The following TMEM63C variants were observed in gnomAD, a reference collection of about 807,000 sequenced individuals.
TMEM63C encodes the protein osmosensitive cation channel TMEM63C.
In TMEM63C, 32 loss-of-function variants were observed where a neutral mutation model predicts 99.2. The ratio of observed to expected loss-of-function variants is 0.32; its 90% confidence interval spans 0.24 to 0.43. The LOEUF is 0.43. Among genes scored for constraint, TMEM63C ranks in the 20% least tolerant of loss-of-function variants. The pLI, the probability that TMEM63C is intolerant of heterozygous loss-of-function variation, is 1.00. For synonymous variants in TMEM63C, 376 were observed against 397.9 expected (o/e 0.94, Z 0.66); for missense variants, 826 against 1,053.0 (o/e 0.78, Z 2.98).
At chr14:77,234,465 G>C (rs1177241943) in intron 8 of TMEM63C, among the ~76,000 whole-genome samples, 2 of 152,190 alleles carry the variant, frequency 1.3e-5, no homozygotes, top group Non-Finnish European at 2.9e-5. Flanking sequence ...CCAACAAAAA[G>C]TGAATTCTAG....
In TMEM63C at chr14:77,249,471, C is replaced by G. The variant is rs146019218; in HGVS notation, c.2038+13C>G. Reference sequence around the variant, plus strand: ...ATCCTGCGGTTGGGTAGGTACCAAGCCAGCCTGGAGACCCCACCTCCACCT... The same window carrying G: ...ATCCTGCGGTTGGGTAGGTACCAAGGCAGCCTGGAGACCCCACCTCCACCT... On this transcript the variant is annotated intron_variant, in intron 21 of 23. Coordinates refer to ENST00000298351, the MANE Select transcript of TMEM63C (RefSeq NM_020431.4). 3 of 1,613,200 alleles carry G rather than the reference C, an allele frequency of 1.9e-6. No homozygotes were observed. In the East Asian group the frequency reaches 6.7e-5, roughly 36 times the overall value.
At chr14:77,209,304 G>A (rs1419509743) in intron 1 of TMEM63C, among the ~76,000 whole-genome samples, 1 of 152,150 alleles carries the variant, frequency 6.6e-6, no homozygotes, top group African/African-American at 2.4e-5. Flanking sequence ...GACTGCTGGA[G>A]GGAAACTTGG....
chr14:77,257,202 G>GTGCA lies in TMEM63C; in HGVS notation c.*477_*480dup, dbSNP rs1889479481. 1 of 164,460 alleles carries GTGCA rather than the reference G, an allele frequency of 6.1e-6. No individual in the cohort carries two copies. Among genetic ancestry groups the GTGCA allele is most frequent in the African/African-American group, 2.4e-5 (1 of 41,748 alleles). 10.2% of individuals were successfully genotyped at this position (164,460 alleles called of 1,614,324 possible). On this transcript the variant is annotated 3_prime_UTR_variant, in exon 24 of 24. Transcript: ENST00000298351. The stretch of plus-strand genomic sequence containing the variant: ...CTGCAGTCTGAGGAGGCAAAGGTAT[G>GTGCA]TGCACGGGGCACATTGACAGGACAC...
intron 1 of TMEM63C, among the ~76,000 whole-genome samples, chr14:77,208,455 G>A (rs1483267428): frequency 6.6e-6 from 1 of 152,192 alleles, no homozygotes; most frequent in East Asian, 1.9e-4. Context: ...TCCTCGGCAT[G>A]GCTTGTCAGC....
intron 6 of TMEM63C, among the ~76,000 whole-genome samples, chr14:77,230,267 C>G (rs568577332): frequency 6.6e-6 from 1 of 152,216 alleles, no homozygotes; most frequent in East Asian, 1.9e-4. Context: ...CATCCTGATC[C>G]ACAACTAGAA....
At chr14:77,208,820 C>T (rs1888448019) in intron 1 of TMEM63C, among the ~76,000 whole-genome samples, 1 of 152,232 alleles carries the variant, frequency 6.6e-6, no homozygotes, top group Admixed American at 6.5e-5. Flanking sequence ...TTGCCTGGCC[C>T]TGCCCACGAG....
intron 1 of TMEM63C, among the ~76,000 whole-genome samples, chr14:77,202,859 ACACACACG>A (rs1294280512): frequency 7.1e-4 from 48 of 67,910 alleles, no homozygotes; most frequent in South Asian, 2.1e-3. Flanking sequence ...ACACACACAC[ACACACACG>A]CACACACACC....
chr14:77,194,418 A>C (rs1888169313), intron 1 of TMEM63C, among the ~76,000 whole-genome samples: 1 of 151,520 alleles, frequency 6.6e-6, no homozygotes, highest in Admixed American at 6.6e-5. Context: ...CTCGAGGAAA[A>C]TTTAGGAAAT....
chr14:77,203,914 T>C (rs1888351485), intron 1 of TMEM63C, among the ~76,000 whole-genome samples: 1 of 152,258 alleles, frequency 6.6e-6, no homozygotes, highest in African/African-American at 2.4e-5. Flanking sequence ...GAGCTGACTC[T>C]GGGGTCAGAG....
chr14:77,187,005 C>A (rs1327504769), intron 1 of TMEM63C, among the ~76,000 whole-genome samples: 1 of 152,168 alleles, frequency 6.6e-6, no homozygotes, highest in Non-Finnish European at 1.5e-5. Flanking sequence ...TGGCTTGAGG[C>A]CCTGGAGCCA....
In TMEM63C at chr14:77,251,543, A is replaced by T. The variant is rs1478388745; in HGVS notation, c.2039-246A>T. Among the ~76,000 whole-genome samples, 3 of 152,238 alleles carry T rather than the reference A, an allele frequency of 2.0e-5. 1 individual carries two copies. In the South Asian group the frequency reaches 6.2e-4, roughly 32 times the overall value. On this transcript the variant is annotated intron_variant, in intron 21 of 23. Coordinates refer to ENST00000298351, the MANE Select transcript of TMEM63C (RefSeq NM_020431.4). Reference sequence around the variant, plus strand: ...CAGCAGGTCAGGAAGGACACATTTAATGGGCACTGCAGTGGGTACTGAAGT... The same window carrying T: ...CAGCAGGTCAGGAAGGACACATTTATTGGGCACTGCAGTGGGTACTGAAGT...
At position 77,196,437 on chromosome 14, in the gene TMEM63C, G is replaced by A. The variant is rs373605659; in HGVS notation, c.-77+14543G>A. 2.9e-4 allele frequency among the ~76,000 whole-genome samples: 44 copies of A among 152,338 alleles called. No homozygotes were observed. In the East Asian group the frequency reaches 6.8e-3, roughly 23 times the overall value. ...ACGGCCTAACCCCATTCTGAAGGGCGCTGTCCCAGGTGACCCTGCCCATGA... is the reference window on the plus strand; with the variant it reads ...ACGGCCTAACCCCATTCTGAAGGGCACTGTCCCAGGTGACCCTGCCCATGA... On this transcript the variant is annotated intron_variant, in intron 1 of 23. Coordinates refer to ENST00000298351, the MANE Select transcript of TMEM63C (RefSeq NM_020431.4).
intron 12 of TMEM63C, 38 bp downstream of exon 12, chr14:77,239,764 G>A (rs909705277): frequency 1.2e-5 from 19 of 1,606,000 alleles, no homozygotes; most frequent in Admixed American, 1.0e-4. Context: ...GCAAGGGAGC[G>A]GTGGGGTCCT....
chr14:77,197,302 T>C (rs550920606), intron 1 of TMEM63C, among the ~76,000 whole-genome samples: 1 of 152,356 alleles, frequency 6.6e-6, no homozygotes, highest in Non-Finnish European at 1.5e-5. Flanking sequence ...TCCTGGTCCT[T>C]TCTTGGGAGA....
At position 77,220,864 on chromosome 14, in the gene TMEM63C, G is replaced by T. The variant is rs1373450889; in HGVS notation, c.312+777G>T. Among the ~76,000 whole-genome samples, 5 of 134,052 alleles carry T rather than the reference G, an allele frequency of 3.7e-5. 1 individual carries two copies. In the Admixed American group the frequency reaches 3.9e-4, roughly 10 times the overall value. The allele number at this position is 134,052 out of a possible 152,430, so 87.9% of individuals were successfully genotyped here. ...CACCACTTCCTCACCTCTCACTCACGCCCCGCCTCCCACTCACGCCCCGCC... is the reference window on the plus strand; with the variant it reads ...CACCACTTCCTCACCTCTCACTCACTCCCCGCCTCCCACTCACGCCCCGCC... On this transcript the variant is annotated intron_variant, in intron 5 of 23. Coordinates refer to ENST00000298351, the MANE Select transcript of TMEM63C (RefSeq NM_020431.4).
intron 8 of TMEM63C, 52 bp downstream of exon 8, chr14:77,233,552 G>A: frequency 6.3e-7 from 1 of 1,589,736 alleles, no homozygotes. Context: ...TGTTGGTGTG[G>A]AGAGGAGGTC....
In TMEM63C at chr14:77,242,343, G is replaced by C; in HGVS notation, c.1065-4G>C. 1 of 1,594,244 alleles carries C rather than the reference G, an allele frequency of 6.3e-7. No individual in the cohort carries two copies. ...CATTTCTTCCTCTTCTCCCCTCTCT[G>C]CAGTGTCCGTAAGGATTACAAGTAT... On this transcript the variant is annotated splice_polypyrimidine_tract_variant and splice_region_variant and intron_variant, in intron 13 of 23. Coordinates refer to ENST00000298351, the MANE Select transcript of TMEM63C (RefSeq NM_020431.4).
chr14:77,195,378 T>A (rs937621386), intron 1 of TMEM63C, among the ~76,000 whole-genome samples: 1 of 152,208 alleles, frequency 6.6e-6, no homozygotes, highest in Non-Finnish European at 1.5e-5. Context: ...AAGGGACCGA[T>A]GATCCCTTTA....
chr14:77,232,530 C>T (rs925548869), intron 7 of TMEM63C, among the ~76,000 whole-genome samples: 6 of 152,162 alleles, frequency 3.9e-5, no homozygotes, highest in Admixed American at 6.5e-5. Flanking sequence ...TCCAGTGATC[C>T]GCCCGCCTTG....
Sources: allele counts gnomAD v4.1 joint callset (sites outside exome capture counted in the v4.1 genomes callset), GRCh38; gene constraint gnomAD v4.1.1; transcripts MANE v1.5; gene names NCBI Gene and HGNC (gene_info 2026-07-23, HGNC 2026-07-21).